Variants in NINJ2 observed in about 807,000 individuals in gnomAD.
The protein encoded by NINJ2 is ninjurin-2.
A neutral mutation model predicts 11.7 loss-of-function variants in NINJ2; 12 were observed. The observed-to-expected ratio is 1.02, with a 90% CI of 0.66 to 1.66. The LOEUF is 1.66. Ranked by LOEUF, NINJ2 falls within the 40% of genes most tolerant of loss-of-function variation. The pLI, the probability that NINJ2 is intolerant of heterozygous loss-of-function variation, is 0.00. For missense variants in NINJ2, 187 were observed against 181.8 expected (o/e 1.03, Z -0.16); for synonymous variants, 93 against 76.8 (o/e 1.21, Z -1.10).
chr12:602,945 AC>A (rs1281548163), intron 1 of NINJ2, among the ~76,000 whole-genome samples: 2 of 151,582 alleles, frequency 1.3e-5, no homozygotes, highest in Non-Finnish European at 2.9e-5. Context: ...TGATCCTCCC[AC>A]CCCAACCTCT....
chr12:655,179 C>T (rs571747247), intron 1 of NINJ2, among the ~76,000 whole-genome samples: 2 of 152,298 alleles, frequency 1.3e-5, no homozygotes, highest in African/African-American at 4.8e-5. Flanking sequence ...TCTCCTGTCA[C>T]CACTGCTTCA....
rs1190477606 is a variant in NINJ2 at position 580,928 on chromosome 12, G to A, written c.34-14750C>T. Among the ~76,000 whole-genome samples, 3 of 151,810 alleles carry A rather than the reference G, an allele frequency of 2.0e-5. No individual in the cohort carries two copies. Among genetic ancestry groups the A allele is most frequent in the East Asian group, 1.9e-4 (1 of 5,190 alleles). The stretch of plus-strand genomic sequence containing the variant: ...TGTGTGTGTCTGTATGTTTGTGTGT[G>A]TGTGCCTGTGTGTCTGTGTGTATTC... On this transcript the variant is annotated intron_variant, in intron 1 of 3. Coordinates refer to ENST00000305108, the MANE Select transcript of NINJ2 (RefSeq NM_016533.6). The surrounding 1 kb of genome is among the most constrained non-coding windows in gnomAD (Gnocchi z 4.7).
chr12:662,692 T>A (rs536630371), intron 1 of NINJ2, among the ~76,000 whole-genome samples: 4 of 152,280 alleles, frequency 2.6e-5, no homozygotes, highest in African/African-American at 9.6e-5. Flanking sequence ...CCTCTCACCG[T>A]AACATCCCAC....
chr12:630,069 C>T (rs1171960169), intron 1 of NINJ2, among the ~76,000 whole-genome samples: 2 of 150,892 alleles, frequency 1.3e-5, no homozygotes, highest in Non-Finnish European at 1.5e-5. Context: ...ACTCTTCAGC[C>T]CCTGCTGTCA....
At chr12:597,439 A>G (rs1030937771) in intron 1 of NINJ2, among the ~76,000 whole-genome samples, 2 of 152,214 alleles carry the variant, frequency 1.3e-5, no homozygotes, top group Admixed American at 6.5e-5. Flanking sequence ...TACCCAGGAT[A>G]CTAAGGGTTG....
intron 1 of NINJ2, among the ~76,000 whole-genome samples, chr12:567,534 G>A (rs936692028): frequency 2.0e-5 from 3 of 152,186 alleles, no homozygotes; most frequent in Admixed American, 6.5e-5. Context: ...TGGATGCGTG[G>A]ATGATTGGAT....
chr12:624,923 A>G (rs1948195393), intron 1 of NINJ2, among the ~76,000 whole-genome samples: 1 of 151,990 alleles, frequency 6.6e-6, no homozygotes, highest in Non-Finnish European at 1.5e-5. Context: ...AGCCTGGCCA[A>G]CATGGTGAAA....
intron 1 of NINJ2, among the ~76,000 whole-genome samples, chr12:659,365 C>T (rs1565651273): frequency 6.6e-6 from 1 of 152,104 alleles, no homozygotes; most frequent in Non-Finnish European, 1.5e-5. Flanking sequence ...TCTGGAAGCC[C>T]AAGAGGAGCT....
rs1170244744 is a variant in NINJ2 at position 601,548 on chromosome 12, CA to C, written c.34-35371del. Among the ~76,000 whole-genome samples the C allele has an allele frequency of 2.0e-3, 280 of 140,178 alleles. 3 individuals are homozygous for C. The highest frequency in any genetic ancestry group is 1.0e-2 in the South Asian group (43 of 4,318). 92.0% of individuals were successfully genotyped at this position (140,178 alleles called of 152,430 possible). A position where few individuals can be genotyped will look rare whatever the true frequency, so the allele number is the denominator to read the frequency against. ...GGGCCACAGAAGCAAGACTCCGTCT[CA>C]AAAAAAAAAAAAAATAAATAAATAA... On this transcript the variant is annotated intron_variant, in intron 1 of 3. Transcript: ENST00000305108.
At chr12:635,012 T>C (rs945586673) in intron 1 of NINJ2, among the ~76,000 whole-genome samples, 77 of 151,872 alleles carry the variant, frequency 5.1e-4, no homozygotes, top group Non-Finnish European at 8.8e-5. Context: ...GCCAAAGTGC[T>C]GGGATTACAG....
At chr12:603,064 T>G (rs1031912425) in intron 1 of NINJ2, among the ~76,000 whole-genome samples, 1 of 152,188 alleles carries the variant, frequency 6.6e-6, no homozygotes, top group African/African-American at 2.4e-5. Flanking sequence ...CTTGAACTAC[T>G]GGGCTCAAGC....
Position 654,470 on chromosome 12 carries a change from G to A in NINJ2, c.33+8858C>T, listed in dbSNP as rs7954141. ...CGGGAGGCAGAGGTTGCGGTGAGCC[G>A]AGATCATGCCATTGCACTCCAGCTT... is the stretch of plus-strand genomic sequence containing the variant. On this transcript the variant is annotated intron_variant, in intron 1 of 3. Transcript: ENST00000305108. Among the ~76,000 whole-genome samples the A allele has an allele frequency of 8.3e-3, 1,234 of 148,356 alleles. 19 individuals carry two copies. The highest frequency in any genetic ancestry group is 0.029 in the African/African-American group (1,162 of 40,080).
At chr12:630,619 T>C (rs916333942) in intron 1 of NINJ2, among the ~76,000 whole-genome samples, 3 of 152,200 alleles carry the variant, frequency 2.0e-5, no homozygotes, top group Admixed American at 6.5e-5. Flanking sequence ...TCAGGTGATC[T>C]GCCCGCCTCG....
At chr12:571,781 C>G (rs958039021) in intron 1 of NINJ2, among the ~76,000 whole-genome samples, 2 of 152,232 alleles carry the variant, frequency 1.3e-5, no homozygotes, top group African/African-American at 4.8e-5. Context: ...ACTTTATGGT[C>G]AGTGGGGACC....
chr12:568,908 G>A (rs1227836503), intron 1 of NINJ2, among the ~76,000 whole-genome samples: 2 of 132,978 alleles, frequency 1.5e-5, no homozygotes, highest in Admixed American at 1.7e-4. Flanking sequence ...GGTAAGCACT[G>A]GGCCACAGGC....
chr12:597,150 G>A (rs1023341973), intron 1 of NINJ2, among the ~76,000 whole-genome samples: 7 of 152,178 alleles, frequency 4.6e-5, no homozygotes, highest in Non-Finnish European at 1.0e-4. Context: ...AATGGAAGGC[G>A]AAACACTACG....
Position 633,633 on chromosome 12 carries a change from C to T in NINJ2, c.33+29695G>A, listed in dbSNP as rs1039686431. On this transcript the variant is annotated intron_variant, in intron 1 of 3. Coordinates refer to ENST00000305108, the MANE Select transcript of NINJ2 (RefSeq NM_016533.6). This position sits in a 1 kb window ranked among gnomAD's most constrained non-coding sequence, Gnocchi z 4.3. ...GAGTTCAAGACCAGCCTGGCCAACACGGCAAAATCCCGTCTCTACTAAAAT... is the reference window on the plus strand; with the variant it reads ...GAGTTCAAGACCAGCCTGGCCAACATGGCAAAATCCCGTCTCTACTAAAAT... Among the ~76,000 whole-genome samples the T allele has an allele frequency of 7.2e-5, 11 of 152,234 alleles. No individual in the cohort carries two copies. The highest frequency in any genetic ancestry group is 1.9e-4 in the East Asian group (1 of 5,176).
chr12:572,463 CAAAGGG>C (rs1947391298), intron 1 of NINJ2, among the ~76,000 whole-genome samples: 1 of 152,206 alleles, frequency 6.6e-6, no homozygotes, highest in South Asian at 2.1e-4. Context: ...TGATTTCTCA[CAAAGGG>C]AAAGGGTGGG....
At chr12:573,684 A>G (rs1207678953) in intron 1 of NINJ2, among the ~76,000 whole-genome samples, 2 of 152,238 alleles carry the variant, frequency 1.3e-5, no homozygotes, top group African/African-American at 4.8e-5. Flanking sequence ...TAGGGTACAC[A>G]TGCACACTTA....
Sources: gnomAD v4.1 joint callset for allele counts (sites outside exome capture counted in the v4.1 genomes callset) on GRCh38, gnomAD v4.1.1 for gene constraint, Gnocchi (gnomAD v3.1) non-coding constraint, MANE v1.5 for transcripts, NCBI Gene and HGNC (gene_info 2026-07-23, HGNC 2026-07-21) for gene names.